Variants in MPRIP observed in about 807,000 individuals in gnomAD.
MPRIP encodes the protein myosin phosphatase Rho-interacting protein.
In MPRIP, 59 loss-of-function variants were observed where a neutral mutation model predicts 234.9. That is an observed-to-expected ratio of 0.25 (90% CI 0.20 to 0.31). The LOEUF is 0.31. Ranked by LOEUF, MPRIP falls within the 10% of genes least tolerant of loss-of-function variation. MPRIP has a pLI of 1.00. For synonymous variants in MPRIP, 1,144 were observed against 1,263.9 expected (o/e 0.91, Z 2.01); for missense variants, 2,436 against 3,071.0 (o/e 0.79, Z 4.89).
Position 17,166,839 on chromosome 17 carries a change from T to C in MPRIP, c.5248T>C (p.Leu1750=), listed in dbSNP as rs770707850. ...TCAGCTGTCCTGGGACCTGAGCCCC[T>C]TAGGAGAAGTCCTGGGCCGAGACTC... ...GVQLSWDLSP[L]GEVLGRDSDS... Residue 1750 remains leucine, a synonymous_variant, in exon 16 of 24, where the codon TTA becomes CTA. Transcript: ENST00000651222. This position sits in a 1 kb window ranked among gnomAD's most constrained non-coding sequence, Gnocchi z 4.4. 11 of 1,304,006 alleles carry C rather than the reference T, an allele frequency of 8.4e-6. No homozygotes were observed. Among genetic ancestry groups the C allele is most frequent in the Non-Finnish European group, 1.0e-5 (10 of 988,934 alleles). The allele number at this position is 1,304,006 out of a possible 1,614,324, so 80.8% of individuals were successfully genotyped here.
At chr17:17,048,781 A>G (rs773384474) in intron 1 of MPRIP, among the ~76,000 whole-genome samples, 9 of 152,232 alleles carry the variant, frequency 5.9e-5, no homozygotes, top group Admixed American at 1.3e-4. Flanking sequence ...GGGTTTCTCA[A>G]AAAGTTCAGC....
chr17:17,059,536 G>C (rs956847537), intron 1 of MPRIP, among the ~76,000 whole-genome samples: 2 of 152,228 alleles, frequency 1.3e-5, no homozygotes, highest in African/African-American at 4.8e-5. Context: ...GGCTGTGTCA[G>C]CTTCCCACAG....
chr17:17,121,862 T>C (rs917971435), intron 3 of MPRIP, among the ~76,000 whole-genome samples: 2 of 152,120 alleles, frequency 1.3e-5, no homozygotes, highest in Non-Finnish European at 2.9e-5. Flanking sequence ...TCTCCATGTG[T>C]CTATATGTTC....
intron 3 of MPRIP, among the ~76,000 whole-genome samples, chr17:17,100,185 C>T (rs2089931328): frequency 1.3e-5 from 2 of 152,144 alleles, no homozygotes; most frequent in Admixed American, 1.3e-4. Context: ...GGAAGCCTAC[C>T]TTCCCCATTC....
chr17:17,107,082 A>G (rs1461984851), intron 3 of MPRIP, among the ~76,000 whole-genome samples: 1 of 152,208 alleles, frequency 6.6e-6, no homozygotes, highest in Non-Finnish European at 1.5e-5. Flanking sequence ...TATCTACAAC[A>G]CATTTGGTCT....
chr17:17,064,176 TGA>T (rs1294507024), intron 1 of MPRIP, among the ~76,000 whole-genome samples: 1 of 151,070 alleles, frequency 6.6e-6, no homozygotes, highest in Admixed American at 6.6e-5. Flanking sequence ...CCACAGTGGC[TGA>T]GTTTTGTTTT....
intron 1 of MPRIP, chr17:17,057,903 C>T: frequency 1.8e-6 from 1 of 555,850 alleles, no homozygotes; most frequent in East Asian, 2.9e-5. Flanking sequence ...ATACAAGCAG[C>T]ATACATTTAC....
In MPRIP at chr17:17,158,832, G is replaced by T. The variant is rs768965649; in HGVS notation, c.2230G>T (p.Asp744Tyr). 6.2e-7 allele frequency: 1 copy of T among 1,611,702 alleles called. No homozygotes were observed. Among genetic ancestry groups the T allele is most frequent in the African/African-American group, 1.3e-5 (1 of 75,034 alleles). ...VDRSPGLPMS[D>Y]LKTHNVHVEI... The stretch of plus-strand genomic sequence containing the variant: ...CCGGAGCCCAGGGCTGCCTATGAGC[G>T]ACCTCAAAACGCATAACGTCCACGT... The change falls in exon 14 of 24, where the codon GAC becomes TAC. Residue 744 changes from aspartate (D) to tyrosine (Y), a missense_variant. Coordinates refer to ENST00000651222, the MANE Select transcript of MPRIP (RefSeq NM_001364716.4).
chr17:17,147,042 T>C (rs2045482433), intron 10 of MPRIP, among the ~76,000 whole-genome samples: 1 of 152,314 alleles, frequency 6.6e-6, no homozygotes, highest in Non-Finnish European at 1.5e-5. Context: ...AGCCACACCA[T>C]TGGTCATAGA....
intron 1 of MPRIP, among the ~76,000 whole-genome samples, chr17:17,068,293 G>A (rs535280552): frequency 2.6e-5 from 4 of 152,128 alleles, no homozygotes; most frequent in African/African-American, 9.6e-5. Flanking sequence ...TGGGATTACA[G>A]GCATGCTCCA....
chr17:17,132,959 C>T (rs979286719), intron 5 of MPRIP, among the ~76,000 whole-genome samples: 4 of 152,208 alleles, frequency 2.6e-5, no homozygotes, highest in Admixed American at 6.5e-5. Context: ...GGTTACACTG[C>T]GTTTCCATGG....
chr17:17,158,194 CT>C (rs1597477981), intron 13 of MPRIP, among the ~76,000 whole-genome samples: 1 of 152,224 alleles, frequency 6.6e-6, no homozygotes, highest in East Asian at 1.9e-4. Context: ...TTTTCCCTTC[CT>C]TTCCCCTTCC....
At chr17:17,050,951 C>T (rs1390685112) in intron 1 of MPRIP, among the ~76,000 whole-genome samples, 2 of 152,176 alleles carry the variant, frequency 1.3e-5, no homozygotes, top group African/African-American at 4.8e-5. Context: ...TGATCTTTTC[C>T]TCTGATTTCT....
At chr17:17,179,757 C>T (rs1271672345) in intron 22 of MPRIP, among the ~76,000 whole-genome samples, 2 of 152,214 alleles carry the variant, frequency 1.3e-5, no homozygotes, top group African/African-American at 4.8e-5. Context: ...GCTACAGTCA[C>T]AGTGCAGGAA....
Position 17,165,409 on chromosome 17 carries a change from C to T in MPRIP, c.3818C>T (p.Pro1273Leu). ...GATGAGGACGAGGACCTGGGGGCTC[C>T]TCCGGGGGAAGAGTACGGTGATGGC... ...LEDEDEDLGA[P>L]PGEEYGDGSP... The change falls in exon 16 of 24, where the codon CCT becomes CTT. Residue 1273 changes from proline (P) to leucine (L), a missense_variant. Coordinates refer to ENST00000651222, the MANE Select transcript of MPRIP (RefSeq NM_001364716.4). 1 of 1,304,192 alleles carries T rather than the reference C, an allele frequency of 7.7e-7. No homozygotes were observed. Among genetic ancestry groups the T allele is most frequent in the Non-Finnish European group, 1.0e-6 (1 of 988,960 alleles). The allele number at this position is 1,304,192 out of a possible 1,614,324, so 80.8% of individuals were successfully genotyped here. A position where few individuals can be genotyped will look rare whatever the true frequency, so the allele number is the denominator to read the frequency against.
rs200879710 is a variant in MPRIP, at chr17:17,126,683, C to G, written c.268-19C>G. ...CCCATTGGCTGGCCTCTGGGTGACT[C>G]TCTGCCGCCTTCTTCCAGCCCACGA... On this transcript the variant is annotated intron_variant, in intron 3 of 23. Transcript: ENST00000651222. The G allele has an allele frequency of 3.6e-4, 571 of 1,602,610 alleles. 1 individual carries two copies. The highest frequency in any genetic ancestry group is 1.1e-4 in the South Asian group (10 of 89,614).
intron 1 of MPRIP, among the ~76,000 whole-genome samples, chr17:17,068,084 C>T (rs1371878696): frequency 6.6e-6 from 1 of 151,890 alleles, no homozygotes; most frequent in Non-Finnish European, 1.5e-5. Flanking sequence ...TGTTTTATTT[C>T]TGATAACAAT....
intron 16 of MPRIP, 27 bp from the exon 17 acceptor site, chr17:17,171,691 C>A (rs62064402): frequency 6.2e-7 from 1 of 1,601,362 alleles, no homozygotes; most frequent in Non-Finnish European, 8.5e-7. Context: ...AGAAAGAAGT[C>A]GATGAAGTCC....
Position 17,063,300 on chromosome 17 carries a change from A to G in MPRIP, c.124-12410A>G, listed in dbSNP as rs185207079. On this transcript the variant is annotated intron_variant, in intron 1 of 23. Coordinates refer to ENST00000651222, the MANE Select transcript of MPRIP (RefSeq NM_001364716.4). Reference sequence around the variant, plus strand: ...TTATTTATTTGGTCATTGGAGCCCAACTTTGTACTGGGTGCTTCACTGGAT... The same window carrying G: ...TTATTTATTTGGTCATTGGAGCCCAGCTTTGTACTGGGTGCTTCACTGGAT... Among the ~76,000 whole-genome samples, 194 of 152,292 alleles carry G rather than the reference A, an allele frequency of 1.3e-3. 1 individual carries two copies. Among genetic ancestry groups the G allele is most frequent in the Admixed American group, 4.0e-3 (61 of 15,294 alleles).
Sources: gnomAD v4.1 joint callset for allele counts (sites outside exome capture counted in the v4.1 genomes callset) on GRCh38, gnomAD v4.1.1 for gene constraint, Gnocchi (gnomAD v3.1) non-coding constraint, MANE v1.5 for transcripts, NCBI Gene and HGNC (gene_info 2026-07-23, HGNC 2026-07-21) for gene names.